DNAI1: variants seen among roughly 807,000 people sequenced by gnomAD.
DNAI1 encodes the protein dynein axonemal intermediate chain 1.
DNAI1 carries 67 observed loss-of-function variants against 92.0 expected under a neutral mutation model. The observed-to-expected ratio is 0.73, with a 90% CI of 0.60 to 0.89. The LOEUF is 0.89. Among genes scored for constraint, DNAI1 ranks in the 40% least tolerant of loss-of-function variants. The pLI is 0.00. For missense variants in DNAI1, 839 were observed against 866.6 expected (o/e 0.97, Z 0.40); for synonymous variants, 323 against 319.6 (o/e 1.01, Z -0.11).
intron 1 of DNAI1, among the ~76,000 whole-genome samples, chr9:34,464,960 G>T (rs1015705101): frequency 1.3e-5 from 2 of 152,224 alleles, no homozygotes; most frequent in African/African-American, 2.4e-5. Context: ...AATCAGAGAA[G>T]TAAGAAGACA....
Position 34,485,246 on chromosome 9 carries a change from TGAGTA to T in DNAI1, c.180+8_180+12del, listed in dbSNP as rs1387978440. ...AGCTGGAGTTGACCGATGCGGTGAG[TGAGTA>T]GCCTCTTGTTCTTGCTCCTTGTACC... On this transcript the variant is annotated splice_region_variant and intron_variant, in intron 3 of 19. Coordinates refer to ENST00000242317, the MANE Select transcript of DNAI1 (RefSeq NM_012144.4). 1 of 1,614,094 alleles carries T rather than the reference TGAGTA, an allele frequency of 6.2e-7. No individual in the cohort carries two copies. The highest frequency in any genetic ancestry group is 8.5e-7 in the Non-Finnish European group (1 of 1,179,996).
At chr9:34,462,439 G>A (rs1823968660) in intron 1 of DNAI1, among the ~76,000 whole-genome samples, 2 of 152,130 alleles carry the variant, frequency 1.3e-5, no homozygotes, top group African/African-American at 4.8e-5. Flanking sequence ...GCAGGATAGG[G>A]TGATATCCCC....
At position 34,514,460 on chromosome 9, in the gene DNAI1, G is replaced by A. The variant is rs1013728699; in HGVS notation, c.1636G>A (p.Val546Met). ...YDAHNMSVDT[V>M]SWNPYHTKVF... ...CGCCCACAACATGTCAGTGGACACT[G>A]TGTCCTGGAACCCATACCACACCAA... The change falls in exon 17 of 20, where the codon GTG (valine) becomes ATG (methionine). Residue 546 changes from valine (V) to methionine (M), a missense_variant. Transcript: ENST00000242317. 13 of 1,614,234 alleles carry A rather than the reference G, an allele frequency of 8.1e-6. No individual in the cohort carries two copies. Among genetic ancestry groups the A allele is most frequent in the South Asian group, 1.1e-5 (1 of 91,078 alleles).
chr9:34,485,170 A>G lies in DNAI1; in HGVS notation c.110A>G (p.Glu37Gly), dbSNP rs142794994. The G allele has an allele frequency of 1.9e-6, 3 of 1,614,014 alleles. No individual in the cohort carries two copies. The highest frequency in any genetic ancestry group is 1.7e-5 in the Admixed American group (1 of 60,000). Residue 37 changes from glutamate (E) to glycine (G), a missense_variant, in exon 3 of 20, where the codon GAA becomes GGA. Transcript: ENST00000242317. ...GAAGATTCAGGGACTGAAGTGGGAG[A>G]AGGCACAGATGAATGGGCCCAATCC... ...RDEDSGTEVG[E>G]GTDEWAQSKA... is the part of the protein sequence containing the mutation.
At chr9:34,506,153 G>T (rs1462119711) in intron 12 of DNAI1, among the ~76,000 whole-genome samples, 1 of 152,140 alleles carries the variant, frequency 6.6e-6, no homozygotes, top group Non-Finnish European at 1.5e-5. Context: ...GCTCATAGGT[G>T]GCTAGTTTGG....
In DNAI1 at chr9:34,489,957, C is replaced by T. The variant is rs907928231; in HGVS notation, c.389-55C>T. The T allele has an allele frequency of 9.4e-6, 15 of 1,601,712 alleles. No homozygotes were observed. The Admixed American group carries it at 2.6e-4, about 28-fold the overall frequency. ...CAGAAACCAAGAAAGCCCTCCCTGC[C>T]ACAGATTGGGAGAGCAGGCTTAGAC... On this transcript the variant is annotated intron_variant, in intron 5 of 19. Transcript: ENST00000242317.
At chr9:34,484,973 C>T in intron 2 of DNAI1, 169 bp from the exon 3 acceptor site, 1 of 670,484 alleles carries the variant, frequency 1.5e-6, no homozygotes, top group South Asian at 1.6e-5. Context: ...AGAACTCTGG[C>T]CTGAGCAGTT....
At chr9:34,484,461 G>A (rs761618627) in intron 2 of DNAI1, among the ~76,000 whole-genome samples, 23 of 152,186 alleles carry the variant, frequency 1.5e-4, no homozygotes, top group Non-Finnish European at 1.5e-4. Flanking sequence ...CTGGATATTC[G>A]TTTTGGTTGT....
intron 13 of DNAI1, among the ~76,000 whole-genome samples, chr9:34,507,432 A>G (rs1173695478): frequency 6.6e-6 from 1 of 152,264 alleles, no homozygotes; most frequent in African/African-American, 2.4e-5. Context: ...TAGGAAAATC[A>G]TAAGGAAGAA....
chr9:34,486,698 G>A (rs1435564371), intron 4 of DNAI1, among the ~76,000 whole-genome samples: 1 of 152,094 alleles, frequency 6.6e-6, no homozygotes, highest in African/African-American at 2.4e-5. Flanking sequence ...ACATTTATGG[G>A]TTGTACAATG....
chr9:34,486,671 A>G (rs140208171), intron 4 of DNAI1, among the ~76,000 whole-genome samples: 42 of 152,304 alleles, frequency 2.8e-4, no homozygotes, highest in African/African-American at 9.4e-4. Flanking sequence ...AAAGTGTACA[A>G]TTCAGTGGCT....
chr9:34,463,116 G>T (rs1269409673), intron 1 of DNAI1, among the ~76,000 whole-genome samples: 1 of 152,072 alleles, frequency 6.6e-6, no homozygotes, highest in Non-Finnish European at 1.5e-5. Flanking sequence ...TATGAGCAAA[G>T]ACCTGAAGGA....
At chr9:34,497,480 G>A (rs1824750180) in intron 10 of DNAI1, among the ~76,000 whole-genome samples, 1 of 152,262 alleles carries the variant, frequency 6.6e-6, no homozygotes, top group South Asian at 2.1e-4. Context: ...AACCCTGGGA[G>A]GCAGGCAGAG....
At chr9:34,478,635 T>G (rs1048404033) in intron 1 of DNAI1, 1 of 152,128 alleles carries the variant, frequency 6.6e-6, no homozygotes, top group Non-Finnish European at 1.5e-5. Flanking sequence ...TGTGAAAGAG[T>G]TCAGGCTGAG....
At chr9:34,491,289 T>C in intron 7 of DNAI1, 1 of 635,142 alleles carries the variant, frequency 1.6e-6, no homozygotes, top group Non-Finnish European at 2.8e-6. Context: ...TAGCTTATAC[T>C]TCTTCTGAAG....
intron 1 of DNAI1, among the ~76,000 whole-genome samples, chr9:34,466,588 C>T (rs1824042542): frequency 6.6e-6 from 1 of 152,156 alleles, no homozygotes; most frequent in Non-Finnish European, 1.5e-5. Context: ...AGAACAGAGG[C>T]TCACTCAAGT....
chr9:34,485,775 A>G (rs565369992), intron 4 of DNAI1, among the ~76,000 whole-genome samples: 9 of 152,304 alleles, frequency 5.9e-5, no homozygotes, highest in Admixed American at 1.3e-4. Context: ...GAAATGAATC[A>G]TTTGGTTAGA....
chr9:34,492,634 C>T (rs1159724822), intron 8 of DNAI1, among the ~76,000 whole-genome samples: 1 of 150,592 alleles, frequency 6.6e-6, no homozygotes, highest in Non-Finnish European at 1.5e-5. Context: ...ATCCTCCCAC[C>T]TCAGCCTGCT....
At chr9:34,501,683 G>GGA (rs957104305) in intron 12 of DNAI1, among the ~76,000 whole-genome samples, 5 of 152,186 alleles carry the variant, frequency 3.3e-5, no homozygotes, top group African/African-American at 9.7e-5. Flanking sequence ...GGCATCCCAA[G>GGA]GAGAGATGGC....
Sources: allele counts gnomAD v4.1 joint callset (sites outside exome capture counted in the v4.1 genomes callset), GRCh38; gene constraint gnomAD v4.1.1; transcripts MANE v1.5; gene names NCBI Gene and HGNC (gene_info 2026-07-23, HGNC 2026-07-21).